Variants in SETBP1 observed in about 807,000 individuals in gnomAD.
SETBP1 encodes the protein SET-binding protein.
Under a neutral mutation model 101.0 loss-of-function variants are expected in SETBP1, and 9 were observed. That is an observed-to-expected ratio of 0.09 (90% CI 0.05 to 0.16). The LOEUF (loss-of-function observed/expected upper bound fraction) is 0.16. SETBP1 is among the 10% of genes least tolerant of loss of function. The pLI is 1.00. For missense variants in SETBP1, 1,858 were observed against 2,033.8 expected (o/e 0.91, Z 1.66); for synonymous variants, 818 against 788.5 (o/e 1.04, Z -0.63).
At chr18:44,894,045 A>G (rs2069834466) in intron 3 of SETBP1, among the ~76,000 whole-genome samples, 2 of 152,130 alleles carry the variant, frequency 1.3e-5, no homozygotes, top group African/African-American at 4.8e-5. Context: ...CTAAGCAGAA[A>G]GTTCAAGCAA....
intron 2 of SETBP1, among the ~76,000 whole-genome samples, chr18:44,722,734 C>T (rs1009160696): frequency 4.6e-4 from 70 of 152,164 alleles, no homozygotes; most frequent in African/African-American, 1.7e-3. Flanking sequence ...CTAAAGGATT[C>T]CCATCTGAGT....
intron 2 of SETBP1, among the ~76,000 whole-genome samples, chr18:44,784,488 G>C (rs1649371431): frequency 3.3e-5 from 5 of 152,170 alleles, no homozygotes; most frequent in Admixed American, 3.3e-4. Context: ...CACTTCCTCA[G>C]AGGGCCTTTG....
chr18:45,027,720 C>T (rs189486358), intron 4 of SETBP1, among the ~76,000 whole-genome samples: 87 of 152,260 alleles, frequency 5.7e-4, no homozygotes, highest in African/African-American at 2.0e-3. Flanking sequence ...TGTTCTTACA[C>T]GTGCGTTAGT....
Position 44,744,779 on chromosome 18 carries a change from A to AC in SETBP1, c.486+42947_486+42948insC, listed in dbSNP as rs1555675761. On this transcript the variant is annotated intron_variant, in intron 2 of 5. Coordinates refer to ENST00000649279, the MANE Select transcript of SETBP1 (RefSeq NM_015559.3). ...GTCCAACCCTCCTCTTAAAAAAAAA[A>AC]AAACAAAAAAAAAAACGCTTTCTTC... is the stretch of plus-strand genomic sequence containing the variant. Among the ~76,000 whole-genome samples the AC allele has an allele frequency of 1.5e-3, 196 of 129,144 alleles. 1 individual carries two copies. The highest frequency in any genetic ancestry group is 2.6e-3 in the Non-Finnish European group (145 of 54,906). The allele number at this position is 129,144 out of a possible 152,430, so 84.7% of individuals were successfully genotyped here. A position where few individuals can be genotyped will look rare whatever the true frequency, so the allele number is the denominator to read the frequency against.
At position 44,712,953 on chromosome 18, in the gene SETBP1, CTTTTTTT is replaced by C. The variant is rs11323504; in HGVS notation, c.486+11138_486+11144del. Among the ~76,000 whole-genome samples, 6 of 64,926 alleles carry C rather than the reference CTTTTTTT, an allele frequency of 9.2e-5. No homozygotes were observed. In the East Asian group the frequency reaches 3.0e-3, roughly 33 times the overall value. 42.6% of individuals were successfully genotyped at this position (64,926 alleles called of 152,430 possible). ...TGAGCATTTCTCTTTCAGCATCCCT[CTTTTTTT>C]TTTTTTTTTTTTTTTTGATACAGAG... On this transcript the variant is annotated intron_variant, in intron 2 of 5. Coordinates refer to ENST00000649279, the MANE Select transcript of SETBP1 (RefSeq NM_015559.3).
chr18:45,029,543 G>C (rs1472104607), intron 4 of SETBP1, among the ~76,000 whole-genome samples: 1 of 152,124 alleles, frequency 6.6e-6, no homozygotes, highest in Non-Finnish European at 1.5e-5. Flanking sequence ...TTCCAATTCT[G>C]TGAAGAAAGT....
At chr18:44,996,246 C>T (rs1365553972) in intron 4 of SETBP1, among the ~76,000 whole-genome samples, 1 of 152,210 alleles carries the variant, frequency 6.6e-6, no homozygotes, top group African/African-American at 2.4e-5. Flanking sequence ...TTGCTGGGCA[C>T]ATGAAAAGTC....
chr18:44,797,758 C>T (rs2071512708), intron 2 of SETBP1, among the ~76,000 whole-genome samples: 1 of 152,170 alleles, frequency 6.6e-6, no homozygotes, highest in South Asian at 2.1e-4. Context: ...AGAGCTCATT[C>T]CCACAGCAAT....
chr18:44,827,704 A>C (rs984425817), intron 2 of SETBP1, among the ~76,000 whole-genome samples: 2 of 152,208 alleles, frequency 1.3e-5, no homozygotes, highest in Non-Finnish European at 2.9e-5. Flanking sequence ...CCAAAAGAGA[A>C]ACTGCATACT....
rs937285490 is a variant in SETBP1 at position 45,066,262 on chromosome 18, C to T, written c.*2564C>T. 6.6e-6 allele frequency: 1 copy of T among 152,142 alleles called. No individual in the cohort carries two copies. Among genetic ancestry groups the T allele is most frequent in the African/African-American group, 2.4e-5 (1 of 41,420 alleles). The allele number at this position is 152,142 out of a possible 1,614,324, so 9.4% of individuals were successfully genotyped here. On this transcript the variant is annotated 3_prime_UTR_variant, in exon 6 of 6. Transcript: ENST00000649279. The stretch of plus-strand genomic sequence containing the variant: ...TTGCAACTTACACGTGAATTCTGGT[C>T]TATAGTGGTCATGTGAGTTAAATTC...
At chr18:45,010,366 A>T (rs980228395) in intron 4 of SETBP1, among the ~76,000 whole-genome samples, 2 of 152,182 alleles carry the variant, frequency 1.3e-5, no homozygotes, top group Non-Finnish European at 2.9e-5. Context: ...GAAATTCCTA[A>T]AAGCTGATAA....
At chr18:44,860,318 G>C (rs1358433213) in intron 2 of SETBP1, among the ~76,000 whole-genome samples, 1 of 152,186 alleles carries the variant, frequency 6.6e-6, no homozygotes, top group Admixed American at 6.5e-5. Context: ...AATTTTGTTG[G>C]AAGGAAAGGA....
At chr18:44,826,923 C>T (rs1175061851) in intron 2 of SETBP1, among the ~76,000 whole-genome samples, 2 of 152,126 alleles carry the variant, frequency 1.3e-5, no homozygotes, top group Non-Finnish European at 1.5e-5. Context: ...CTGCTTTGGG[C>T]CCACAAAAGG....
chr18:44,760,509 A>C (rs925970821), intron 2 of SETBP1, among the ~76,000 whole-genome samples: 4 of 152,198 alleles, frequency 2.6e-5, no homozygotes, highest in Non-Finnish European at 4.4e-5. Flanking sequence ...TGAGGCTTTG[A>C]CTGAAGCCCA....
intron 2 of SETBP1, among the ~76,000 whole-genome samples, chr18:44,729,483 T>C (rs978777729): frequency 6.6e-6 from 1 of 152,180 alleles, no homozygotes; most frequent in Non-Finnish European, 1.5e-5. Context: ...AGTTGTTGAA[T>C]GAGAAGGCGG....
At chr18:44,975,647 G>A (rs2071969519) in intron 4 of SETBP1, among the ~76,000 whole-genome samples, 1 of 152,110 alleles carries the variant, frequency 6.6e-6, no homozygotes, top group South Asian at 2.1e-4. Context: ...ACTCGAATAA[G>A]CAAAAATATA....
At chr18:44,769,970 A>G (rs1397143872) in intron 2 of SETBP1, among the ~76,000 whole-genome samples, 1 of 152,192 alleles carries the variant, frequency 6.6e-6, no homozygotes, top group Non-Finnish European at 1.5e-5. Context: ...CTCACTCTCA[A>G]CTGAACCATC....
chr18:44,794,008 A>C (rs1252032176), intron 2 of SETBP1, among the ~76,000 whole-genome samples: 1 of 152,228 alleles, frequency 6.6e-6, no homozygotes, highest in Non-Finnish European at 1.5e-5. Flanking sequence ...TCAGAGTTGG[A>C]CTATTGGCCG....
intron 2 of SETBP1, among the ~76,000 whole-genome samples, chr18:44,782,396 C>G (rs541787840): frequency 5.1e-4 from 77 of 151,252 alleles, no homozygotes; most frequent in African/African-American, 1.8e-3. Context: ...ACTTTTGATT[C>G]TAATATGTAG....
Sources: allele counts gnomAD v4.1 joint callset (sites outside exome capture counted in the v4.1 genomes callset), GRCh38; gene constraint gnomAD v4.1.1; transcripts MANE v1.5; gene names NCBI Gene and HGNC (gene_info 2026-07-23, HGNC 2026-07-21).